IGSF5: variants seen among roughly 807,000 people sequenced by gnomAD.
The protein encoded by IGSF5 is immunoglobulin superfamily member 5.
A neutral mutation model predicts 39.4 loss-of-function variants in IGSF5; 41 were observed. That is an observed-to-expected ratio of 1.04 (90% CI 0.81 to 1.35). The LOEUF is 1.35. Ranked by LOEUF, IGSF5 falls within the 40% of genes most tolerant of loss-of-function variation. The pLI is 0.00. For missense variants in IGSF5, 487 were observed against 494.6 expected, an observed-to-expected ratio of 0.98 and a Z score of 0.15; for synonymous variants, 183 against 175.3, an observed-to-expected ratio of 1.04 and a Z score of -0.34.
chr21:39,791,353 A>G (rs2086964110), intron 6 of IGSF5, among the ~76,000 whole-genome samples: 1 of 152,232 alleles, frequency 6.6e-6, no homozygotes, highest in Admixed American at 6.5e-5. Context: ...ACATATTTAT[A>G]CATATCCTTG....
chr21:39,721,688 T>TTCC, the IGSF5 span, among the ~76,000 whole-genome samples: 1 of 134,310 alleles, frequency 7.4e-6, no homozygotes, highest in Non-Finnish European at 1.6e-5. Context: ...CCTTCCTTCC[T>TTCC]TCCTTCCTTC....
At chr21:39,796,324 G>A (rs1431465008) in intron 8 of IGSF5, among the ~76,000 whole-genome samples, 1 of 152,142 alleles carries the variant, frequency 6.6e-6, no homozygotes, top group African/African-American at 2.4e-5. Context: ...CCCAGACCAG[G>A]CCCCGTAGCC....
At chr21:39,750,500 A>G (rs1299034146) in intron 2 of IGSF5, among the ~76,000 whole-genome samples, 3 of 98,068 alleles carry the variant, frequency 3.1e-5, no homozygotes, top group Middle Eastern at 0.013. Flanking sequence ...AGAGCAAGAC[A>G]CTGTCTCCAG....
chr21:39,740,395 TC>T (rs965893052), upstream of IGSF5, among the ~76,000 whole-genome samples: 5 of 152,200 alleles, frequency 3.3e-5, no homozygotes, highest in African/African-American at 1.2e-4. Context: ...TGATAGGTGT[TC>T]CCTCAGAAGT....
At chr21:39,770,842 G>GAAA in intron 3 of IGSF5, 74 bp from the exon 4 acceptor site, 1 of 917,920 alleles carries the variant, frequency 1.1e-6, no homozygotes, top group Non-Finnish European at 1.4e-6. Context: ...AAAAAAAAAA[G>GAAA]AAAAAAAAAA....
At chr21:39,757,608 G>A (rs1165688701) in intron 2 of IGSF5, among the ~76,000 whole-genome samples, 2 of 143,198 alleles carry the variant, frequency 1.4e-5, no homozygotes, top group African/African-American at 2.6e-5. Flanking sequence ...TAAGAGTCTC[G>A]CTCTGTCACC....
chr21:39,761,471 T>C lies in IGSF5; in HGVS notation c.101-4064T>C, dbSNP rs866178262. 1.4e-4 allele frequency among the ~76,000 whole-genome samples: 21 copies of C among 152,326 alleles called. No homozygotes were observed. In the Middle Eastern group the frequency reaches 0.01, roughly 74 times the overall value. On this transcript the variant is annotated intron_variant, in intron 2 of 8. Coordinates refer to ENST00000380588, the MANE Select transcript of IGSF5 (RefSeq NM_001080444.2). Reference sequence around the variant, plus strand: ...TTGCCAACAGAGTAAATGGATAGCCTACAGAATGGGAGAAAATATTCACAT... The same window carrying C: ...TTGCCAACAGAGTAAATGGATAGCCCACAGAATGGGAGAAAATATTCACAT...
intron 2 of IGSF5, among the ~76,000 whole-genome samples, chr21:39,752,104 T>C (rs1278643175): frequency 6.6e-6 from 1 of 152,180 alleles, no homozygotes; most frequent in Non-Finnish European, 1.5e-5. Flanking sequence ...TTCTGAGACG[T>C]TAGTGCACCT....
the IGSF5 span, among the ~76,000 whole-genome samples, chr21:39,715,670 T>C: frequency 6.6e-6 from 1 of 152,248 alleles, no homozygotes; most frequent in Non-Finnish European, 1.5e-5. Flanking sequence ...AATAGATCCT[T>C]GCTCTTGTAT....
At chr21:39,720,527 A>T in the IGSF5 span, among the ~76,000 whole-genome samples, 1 of 152,218 alleles carries the variant, frequency 6.6e-6, no homozygotes, top group Non-Finnish European at 1.5e-5. Context: ...ATCTCAATTG[A>T]GAAACATTCA....
At chr21:39,746,138 C>G in intron 1 of IGSF5, 78 bp from the exon 2 acceptor site, 1 of 699,066 alleles carries the variant, frequency 1.4e-6, no homozygotes, top group Non-Finnish European at 2.6e-6. Flanking sequence ...TAGGATGAAC[C>G]CAGGCACTTA....
At chr21:39,780,897 T>C (rs1189486577) in intron 5 of IGSF5, among the ~76,000 whole-genome samples, 2 of 152,264 alleles carry the variant, frequency 1.3e-5, no homozygotes, top group Non-Finnish European at 2.9e-5. Flanking sequence ...TGTACTCCTG[T>C]TTGAACATTT....
At chr21:39,736,168 C>A in the IGSF5 span, among the ~76,000 whole-genome samples, 3 of 152,080 alleles carry the variant, frequency 2.0e-5, no homozygotes, top group Non-Finnish European at 4.4e-5. Flanking sequence ...AAGAGGTGGT[C>A]CTCCCCACGC....
In IGSF5 at chr21:39,750,508, CAG is replaced by C. The variant is rs1491404029; in HGVS notation, c.100+4212_100+4213del. 5.7e-5 allele frequency among the ~76,000 whole-genome samples: 7 copies of C among 123,730 alleles called. 2 individuals carry two copies. The highest frequency in any genetic ancestry group is 8.1e-5 in the Non-Finnish European group (5 of 62,046). 81.2% of individuals were successfully genotyped at this position (123,730 alleles called of 152,430 possible). ...GGGTAACAGAGCAAGACACTGTCTCCAGAAAAAAAAAAAAAAAAGCAGTTCAG... is the reference window on the plus strand; with the variant it reads ...GGGTAACAGAGCAAGACACTGTCTCCAAAAAAAAAAAAAAAAGCAGTTCAG... On this transcript the variant is annotated intron_variant, in intron 2 of 8. Transcript: ENST00000380588.
chr21:39,788,140 CCA>C (rs2086934913), intron 5 of IGSF5, 25 bp from the exon 6 acceptor site: 1 of 1,562,984 alleles, frequency 6.4e-7, no homozygotes, highest in Non-Finnish European at 8.8e-7. Context: ...CCCGATTTTT[CCA>C]ATGTAATTTT....
intron 2 of IGSF5, among the ~76,000 whole-genome samples, chr21:39,764,821 A>G (rs2080077958): frequency 6.6e-6 from 1 of 152,196 alleles, no homozygotes; most frequent in Non-Finnish European, 1.5e-5. Context: ...AAGCCACGGT[A>G]TGTGGTCTGC....
At chr21:39,750,024 T>C (rs1182255203) in intron 2 of IGSF5, among the ~76,000 whole-genome samples, 1 of 152,170 alleles carries the variant, frequency 6.6e-6, no homozygotes, top group African/African-American at 2.4e-5. Flanking sequence ...ACAAGGGAAT[T>C]TTTCTCATGG....
intron 2 of IGSF5, among the ~76,000 whole-genome samples, chr21:39,753,616 T>C (rs1195633112): frequency 6.6e-6 from 1 of 152,228 alleles, no homozygotes; most frequent in African/African-American, 2.4e-5. Flanking sequence ...CTGTCTAATA[T>C]TGTAGGTCTA....
chr21:39,789,704 AT>A (rs2086950263), intron 6 of IGSF5, among the ~76,000 whole-genome samples: 2 of 152,256 alleles, frequency 1.3e-5, no homozygotes, highest in African/African-American at 2.4e-5. Context: ...GTTTAAAAAA[AT>A]CACCCACACT....
Sources: gnomAD v4.1 joint callset for allele counts (sites outside exome capture counted in the v4.1 genomes callset) on GRCh38, gnomAD v4.1.1 for gene constraint, MANE v1.5 for transcripts, NCBI Gene and HGNC (gene_info 2026-07-23, HGNC 2026-07-21) for gene names.